The following JMJD1C variants were observed in gnomAD, a reference collection of about 807,000 sequenced individuals.
The protein encoded by JMJD1C is jumonji domain-containing protein 1C.
In JMJD1C, 31 loss-of-function variants were observed where a neutral mutation model predicts 245.3. The observed-to-expected ratio is 0.13, with a 90% CI of 0.09 to 0.17. The LOEUF is 0.17. Among genes scored for constraint, JMJD1C ranks in the 10% least tolerant of loss-of-function variants. The pLI, the probability that JMJD1C is intolerant of heterozygous loss-of-function variation, is 1.00. For missense variants in JMJD1C, 2,691 were observed against 3,000.2 expected, an observed-to-expected ratio of 0.90 and a Z score of 2.41; for synonymous variants, 1,057 against 1,017.4, an observed-to-expected ratio of 1.04 and a Z score of -0.74.
intron 1 of JMJD1C, among the ~76,000 whole-genome samples, chr10:63,415,168 T>C (rs1431518602): frequency 6.6e-6 from 1 of 152,096 alleles, no homozygotes; most frequent in East Asian, 1.9e-4. Context: ...AAGAATAAAA[T>C]TTTTCCTTAT....
intron 2 of JMJD1C, among the ~76,000 whole-genome samples, chr10:63,272,686 AATGTC>A (rs546334649): frequency 2.6e-4 from 39 of 152,370 alleles, no homozygotes; most frequent in African/African-American, 8.9e-4. Context: ...AAGAACTCAC[AATGTC>A]ATGTTACCAA....
chr10:63,363,290 G>A (rs868792585), intron 2 of JMJD1C, among the ~76,000 whole-genome samples: 23 of 127,610 alleles, frequency 1.8e-4, no homozygotes, highest in African/African-American at 5.1e-4. Context: ...ATGGAGTCTC[G>A]CTCTGTCGTC....
intron 1 of JMJD1C, among the ~76,000 whole-genome samples, chr10:63,442,245 C>T (rs1951434995): frequency 6.6e-6 from 1 of 152,120 alleles, no homozygotes; most frequent in African/African-American, 2.4e-5. Flanking sequence ...GGAGAAAAAA[C>T]GCCAACAATT....
chr10:63,262,655 T>G (rs1303423563), intron 3 of JMJD1C, among the ~76,000 whole-genome samples: 2 of 152,214 alleles, frequency 1.3e-5, no homozygotes, highest in Non-Finnish European at 2.9e-5. Flanking sequence ...AGTCAATCAC[T>G]TCACTTCTGG....
At chr10:63,181,014 C>T (rs528879970) in intron 22 of JMJD1C, among the ~76,000 whole-genome samples, 28 of 152,062 alleles carry the variant, frequency 1.8e-4, no homozygotes, top group African/African-American at 5.5e-4. Context: ...GTGATCCGCC[C>T]GCCTCGGCCT....
At chr10:63,402,297 AG>A (rs1449278388) in intron 1 of JMJD1C, among the ~76,000 whole-genome samples, 1 of 152,190 alleles carries the variant, frequency 6.6e-6, no homozygotes, top group African/African-American at 2.4e-5. Context: ...AAAATGAGAA[AG>A]TAAGTACATT....
At chr10:63,268,479 T>A (rs530192862) in intron 2 of JMJD1C, among the ~76,000 whole-genome samples, 1 of 152,298 alleles carries the variant, frequency 6.6e-6, no homozygotes, top group East Asian at 1.9e-4. Flanking sequence ...ACATTTACAG[T>A]TATTAAATTA....
intron 2 of JMJD1C, among the ~76,000 whole-genome samples, chr10:63,343,065 A>C (rs1943512108): frequency 6.6e-6 from 1 of 152,198 alleles, no homozygotes; most frequent in Non-Finnish European, 1.5e-5. Flanking sequence ...CTGCATTAAA[A>C]AAATAACTGA....
intron 2 of JMJD1C, among the ~76,000 whole-genome samples, chr10:63,276,270 T>A (rs145210944): frequency 1.3e-5 from 2 of 151,716 alleles, no homozygotes; most frequent in Non-Finnish European, 2.9e-5. Context: ...ATCGAGACCA[T>A]CCTGGCTAAA....
chr10:63,225,320 G>A (rs1849130500), intron 3 of JMJD1C, among the ~76,000 whole-genome samples: 4 of 152,090 alleles, frequency 2.6e-5, no homozygotes, highest in Admixed American at 2.6e-4. Flanking sequence ...AGTTCACTAA[G>A]CATCTGCTTT....
At chr10:63,297,717 G>C (rs1564750442) in intron 2 of JMJD1C, among the ~76,000 whole-genome samples, 1 of 152,078 alleles carries the variant, frequency 6.6e-6, no homozygotes, top group Non-Finnish European at 1.5e-5. Context: ...CATGGGATGG[G>C]AAAAAGCAAC....
intron 3 of JMJD1C, among the ~76,000 whole-genome samples, chr10:63,255,837 T>C (rs1002890768): frequency 6.6e-6 from 1 of 152,162 alleles, no homozygotes; most frequent in Non-Finnish European, 1.5e-5. Flanking sequence ...AATTAAATTC[T>C]AATTCTAGTA....
intron 2 of JMJD1C, chr10:63,269,155 C>G (rs1855987484): frequency 1.0e-6 from 1 of 985,368 alleles, no homozygotes; most frequent in Admixed American, 6.2e-5. Flanking sequence ...GCCTTTCCCA[C>G]TGTACTCTGT....
intron 2 of JMJD1C, among the ~76,000 whole-genome samples, chr10:63,337,918 A>G (rs1227836562): frequency 6.6e-6 from 1 of 152,214 alleles, no homozygotes; most frequent in African/African-American, 2.4e-5. Flanking sequence ...TCATTGTCTT[A>G]ATCACCATAA....
intron 17 of JMJD1C, 120 bp from the exon 18 acceptor site, chr10:63,189,566 T>C: frequency 1.2e-6 from 1 of 812,722 alleles, no homozygotes. Context: ...TGCACTTCTC[T>C]TAGATTTGAG....
In JMJD1C at chr10:63,514,097, T is replaced by C. The variant is rs538700829; in HGVS notation, n.113+7641A>G. 5.3e-5 allele frequency among the ~76,000 whole-genome samples: 8 copies of C among 152,086 alleles called. No homozygotes were observed. The East Asian group carries it at 1.5e-3, about 29-fold the overall frequency. On this transcript the variant is annotated intron_variant and non_coding_transcript_variant, in intron 1 of 3. Transcript: ENST00000633035. Reference sequence around the variant, plus strand: ...CCAATGAGTTATCATCTCACATCAGTCAGAGTGGCTATTACTAAAAAGTCA... The same window carrying C: ...CCAATGAGTTATCATCTCACATCAGCCAGAGTGGCTATTACTAAAAAGTCA...
chr10:63,203,677 GAAAC>G (rs1846276001), intron 10 of JMJD1C: 7 of 983,090 alleles, frequency 7.1e-6, no homozygotes, highest in African/African-American at 5.3e-5. Flanking sequence ...TTAATTAAGA[GAAAC>G]AAAAAGGTAG....
chr10:63,207,267 GAAC>G lies in JMJD1C; in HGVS notation c.4399_4401del (p.Val1467del), dbSNP rs1554836493. 6.2e-7 allele frequency: 1 copy of G among 1,613,884 alleles called. No homozygotes were observed. Among genetic ancestry groups the G allele is most frequent in the Non-Finnish European group, 8.5e-7 (1 of 1,180,026 alleles). On this transcript the variant is annotated inframe_deletion, in exon 10 of 26. Coordinates refer to ENST00000399262, the MANE Select transcript of JMJD1C (RefSeq NM_032776.3). ...GTGCCTGAGAACCCAGAACTGGGTT[GAAC>G]AACACTTCCTGTCTTACTACTGGCT...
chr10:63,450,034 G>T (rs564579597), intron 1 of JMJD1C, among the ~76,000 whole-genome samples: 1 of 152,112 alleles, frequency 6.6e-6, no homozygotes, highest in South Asian at 2.1e-4. Context: ...GCTCACTTGG[G>T]CCCAGGAGGT....
Sources: gnomAD v4.1 joint callset for allele counts (sites outside exome capture counted in the v4.1 genomes callset) on GRCh38, gnomAD v4.1.1 for gene constraint, MANE v1.5 for transcripts, NCBI Gene and HGNC (gene_info 2026-07-23, HGNC 2026-07-21) for gene names.